The following GAB2 variants were observed in gnomAD, a reference collection of about 807,000 sequenced individuals.
GAB2 encodes the protein GRB2-associated-binding protein 2.
A neutral mutation model predicts 65.5 loss-of-function variants in GAB2; 26 were observed. That is an observed-to-expected ratio of 0.40 (90% CI 0.29 to 0.55). GAB2 has a LOEUF of 0.55. GAB2 is among the 20% of genes least tolerant of loss of function. The pLI is 0.53. For missense variants in GAB2, 884 were observed against 875.8 expected (o/e 1.01, Z -0.12); for synonymous variants, 321 against 329.6 (o/e 0.97, Z 0.28).
chr11:78,392,343 C>T (rs1856844750), intron 1 of GAB2: 1 of 151,950 alleles, frequency 6.6e-6, no homozygotes, highest in Non-Finnish European at 1.5e-5. Context: ...TAAACTGTAA[C>T]TCTTTTGATT....
intron 1 of GAB2, among the ~76,000 whole-genome samples, chr11:78,389,514 G>A (rs1221809084): frequency 1.3e-5 from 2 of 152,092 alleles, no homozygotes; most frequent in Non-Finnish European, 2.9e-5. Flanking sequence ...CTCCATGTTG[G>A]TCAGACTGGT....
intron 1 of GAB2, among the ~76,000 whole-genome samples, chr11:78,360,781 C>G (rs1235990854): frequency 6.6e-6 from 1 of 152,106 alleles, no homozygotes; most frequent in Non-Finnish European, 1.5e-5. Context: ...ATCGCTTGAA[C>G]TTAGGAGGCG....
intron 2 of GAB2, among the ~76,000 whole-genome samples, chr11:78,261,173 G>T (rs538515025): frequency 6.6e-6 from 1 of 152,036 alleles, no homozygotes; most frequent in Non-Finnish European, 1.5e-5. Context: ...GTCCCAGACT[G>T]GGGGGCTGGG....
At chr11:78,282,258 A>T (rs566786935) in intron 1 of GAB2, among the ~76,000 whole-genome samples, 1 of 152,216 alleles carries the variant, frequency 6.6e-6, no homozygotes, top group South Asian at 2.1e-4. Flanking sequence ...AAGACTACAT[A>T]TAACAGAAAT....
intron 9 of GAB2, among the ~76,000 whole-genome samples, chr11:78,219,742 C>T (rs1338252309): frequency 1.3e-5 from 2 of 152,146 alleles, no homozygotes; most frequent in Admixed American, 6.5e-5. Context: ...TCTGTCAGGT[C>T]GCTCATCCAG....
At chr11:78,323,658 G>T (rs1855767974) in intron 1 of GAB2, among the ~76,000 whole-genome samples, 1 of 151,740 alleles carries the variant, frequency 6.6e-6, no homozygotes, top group South Asian at 2.1e-4. Flanking sequence ...AGGGAGGAGG[G>T]GGGTAAGGTT....
In GAB2 at chr11:78,380,685, G is replaced by C. The variant is rs552016082; in HGVS notation, c.75+36961C>G. 2.0e-5 allele frequency among the ~76,000 whole-genome samples: 3 copies of C among 152,230 alleles called. No individual in the cohort carries two copies. The East Asian group carries it at 5.8e-4, about 29-fold the overall frequency. On this transcript the variant is annotated intron_variant, in intron 1 of 9. Transcript: ENST00000361507. ...AAATAATTCAAACTGAAAGCTATTG[G>C]AACTTTAAATTATTCGGAGCCTTGG...
At chr11:78,225,441 C>T (rs1864605850) in intron 4 of GAB2, among the ~76,000 whole-genome samples, 1 of 152,200 alleles carries the variant, frequency 6.6e-6, no homozygotes, top group Non-Finnish European at 1.5e-5. Flanking sequence ...CTACTCTACC[C>T]TCATCTATGC....
rs1864216485 is a variant in GAB2 at position 78,217,644 on chromosome 11, A to G, written c.*1628T>C. On this transcript the variant is annotated 3_prime_UTR_variant, in exon 10 of 10. Coordinates refer to ENST00000361507, the MANE Select transcript of GAB2 (RefSeq NM_080491.3). The stretch of plus-strand genomic sequence containing the variant: ...GAAAATTTAGTCAAGAACAGTCAAC[A>G]TAAAAACATTCAGATCCCCCACCCT... 6.6e-6 allele frequency: 1 copy of G among 152,284 alleles called. No homozygotes were observed. Among genetic ancestry groups the G allele is most frequent in the South Asian group, 2.1e-4 (1 of 4,832 alleles). The allele number at this position is 152,284 out of a possible 1,614,324, so 9.4% of individuals were successfully genotyped here.
chr11:78,263,420 T>C (rs1312364687), intron 2 of GAB2, among the ~76,000 whole-genome samples: 2 of 151,962 alleles, frequency 1.3e-5, no homozygotes, highest in Non-Finnish European at 2.9e-5. Flanking sequence ...GATGACGAGG[T>C]CAGGAGATAA....
intron 1 of GAB2, chr11:78,392,117 A>C (rs1024016527): frequency 6.6e-6 from 1 of 152,106 alleles, no homozygotes; most frequent in African/African-American, 2.4e-5. Context: ...GCGCACCTGT[A>C]ATCCCAGCTA....
At chr11:78,375,185 C>A (rs60317973) in intron 1 of GAB2, among the ~76,000 whole-genome samples, 3,586 of 152,292 alleles carry the variant, frequency 0.024, 138 homozygotes, top group African/African-American at 0.081. Context: ...GCTGGGACTA[C>A]AGATGCATGC....
At chr11:78,321,222 C>T (rs1332535679) in intron 1 of GAB2, among the ~76,000 whole-genome samples, 2 of 152,112 alleles carry the variant, frequency 1.3e-5, no homozygotes, top group South Asian at 2.1e-4. Flanking sequence ...AACCTTAGCA[C>T]AGTACTAAGA....
rs532840313 is a variant in GAB2, at chr11:78,216,642, C to T, written c.*2630G>A. 1 of 151,948 alleles carries T rather than the reference C, an allele frequency of 6.6e-6. No homozygotes were observed. The highest frequency in any genetic ancestry group is 2.4e-5 in the African/African-American group (1 of 41,206). The allele number at this position is 151,948 out of a possible 1,614,324, so 9.4% of individuals were successfully genotyped here. On this transcript the variant is annotated 3_prime_UTR_variant, in exon 10 of 10. Coordinates refer to ENST00000361507, the MANE Select transcript of GAB2 (RefSeq NM_080491.3). ...GAATAGGGGGCTGGAAGGAAGCCTCCTGGGAGATTCGATTTGAACACCTCA... is the reference window on the plus strand; with the variant it reads ...GAATAGGGGGCTGGAAGGAAGCCTCTTGGGAGATTCGATTTGAACACCTCA...
rs115997644 is a variant in GAB2, at chr11:78,271,617, A to G, written c.376+8984T>C. On this transcript the variant is annotated intron_variant, in intron 2 of 9. Transcript: ENST00000361507. ...TGGAGGTGGCAAGAAGGATGAAAAAACAGACAGTCTCCATCTGCCACAAAC... is the reference window on the plus strand; with the variant it reads ...TGGAGGTGGCAAGAAGGATGAAAAAGCAGACAGTCTCCATCTGCCACAAAC... Among the ~76,000 whole-genome samples the G allele has an allele frequency of 8.6e-3, 1,316 of 152,142 alleles. 20 individuals are homozygous for G. Among genetic ancestry groups the G allele is most frequent in the African/African-American group, 0.03 (1,250 of 41,554 alleles).
intron 1 of GAB2, among the ~76,000 whole-genome samples, chr11:78,300,451 T>G (rs1417050169): frequency 6.6e-6 from 1 of 151,748 alleles, no homozygotes; most frequent in East Asian, 1.9e-4. Flanking sequence ...AGGTTTTCAT[T>G]TCTCCTGGTT....
chr11:78,292,566 T>C (rs947215868), intron 1 of GAB2, among the ~76,000 whole-genome samples: 1 of 152,212 alleles, frequency 6.6e-6, no homozygotes, highest in Non-Finnish European at 1.5e-5. Context: ...TCTGAACATA[T>C]GATGTACAAG....
chr11:78,407,657 G>GAAAGAAAGAAAGAAAGAAAGAAAGAGA (rs1591094033), intron 1 of GAB2, among the ~76,000 whole-genome samples: 1 of 135,490 alleles, frequency 7.4e-6, no homozygotes, highest in Non-Finnish European at 1.6e-5. Context: ...AAGAAAGAAA[G>GAAAGAAAGAAAGAAAGAAAGAAAGAGA]TAAGAAAGAA....
At position 78,322,298 on chromosome 11, in the gene GAB2, C is replaced by CAAAAAAAAAAA. The variant is rs56709163; in HGVS notation, c.76-41408_76-41398dup. Among the ~76,000 whole-genome samples, 94 of 12,076 alleles carry CAAAAAAAAAAA rather than the reference C, an allele frequency of 7.8e-3. 18 individuals are homozygous for CAAAAAAAAAAA. The highest frequency in any genetic ancestry group is 0.015 in the East Asian group (12 of 826). 7.9% of individuals were successfully genotyped at this position (12,076 alleles called of 152,430 possible). On this transcript the variant is annotated intron_variant, in intron 1 of 9. Coordinates refer to ENST00000361507, the MANE Select transcript of GAB2 (RefSeq NM_080491.3). ...TGGCTGACAGAGGGAGACTCTGTCT[C>CAAAAAAAAAAA]AAAAAAAAAAAAAAAAAAAAAAAAA... is the stretch of plus-strand genomic sequence containing the variant.
Sources: allele counts gnomAD v4.1 joint callset (sites outside exome capture counted in the v4.1 genomes callset), GRCh38; gene constraint gnomAD v4.1.1; transcripts MANE v1.5; gene names NCBI Gene and HGNC (gene_info 2026-07-23, HGNC 2026-07-21).